SOX6: variants seen among roughly 807,000 people sequenced by gnomAD.
SOX6 encodes the protein transcription factor SOX-6.
A neutral mutation model predicts 97.8 loss-of-function variants in SOX6; 11 were observed. That is an observed-to-expected ratio of 0.11 (90% CI 0.07 to 0.19). The LOEUF is 0.19. SOX6 is among the 10% of genes least tolerant of loss of function. SOX6 has a pLI of 1.00. For missense variants in SOX6, 810 were observed against 1,039.5 expected (o/e 0.78, Z 3.04); for synonymous variants, 360 against 371.4 (o/e 0.97, Z 0.35).
chr11:16,533,658 T>A (rs77883791), intron 4 of SOX6, among the ~76,000 whole-genome samples: 1,537 of 152,122 alleles, frequency 0.01, 19 homozygotes, highest in African/African-American at 0.035. Flanking sequence ...TTTAATTTTG[T>A]CCTATTGGGA....
At chr11:16,107,898 C>A (rs1849135956) in intron 7 of SOX6, among the ~76,000 whole-genome samples, 1 of 152,134 alleles carries the variant, frequency 6.6e-6, no homozygotes, top group South Asian at 2.1e-4. Context: ...TAACACTCAG[C>A]TTTTGGGCCG....
intron 6 of SOX6, among the ~76,000 whole-genome samples, chr11:16,159,351 A>C (rs552957268): frequency 6.6e-6 from 1 of 152,208 alleles, no homozygotes; most frequent in East Asian, 1.9e-4. Context: ...TATATTTCTT[A>C]TCTTTTCTAC....
At chr11:16,358,441 G>A (rs1003511437), upstream of SOX6, among the ~76,000 whole-genome samples, 1 of 151,994 alleles carries the variant, frequency 6.6e-6, no homozygotes, top group Non-Finnish European at 1.5e-5. Flanking sequence ...AAACAAACAG[G>A]GTAACTAAGG....
intron 2 of SOX6, among the ~76,000 whole-genome samples, chr11:16,718,103 T>A (rs1848231827): frequency 6.6e-6 from 1 of 152,092 alleles, no homozygotes; most frequent in African/African-American, 2.4e-5. Flanking sequence ...TTGAAAGGGC[T>A]TTTTAAATGT....
upstream of SOX6, among the ~76,000 whole-genome samples, chr11:16,480,932 T>C (rs978452291): frequency 1.3e-5 from 2 of 152,170 alleles, no homozygotes; most frequent in Non-Finnish European, 2.9e-5. Flanking sequence ...TTAAAACAAC[T>C]GTCTTCAACG....
chr11:16,242,872 G>C (rs955854087), intron 3 of SOX6, among the ~76,000 whole-genome samples: 9 of 151,698 alleles, frequency 5.9e-5, no homozygotes, highest in Non-Finnish European at 1.2e-4. Flanking sequence ...TGGTTTTAAG[G>C]ACCCTTTATA....
chr11:16,206,600 A>C (rs1189703829), intron 4 of SOX6, among the ~76,000 whole-genome samples: 1 of 152,156 alleles, frequency 6.6e-6, no homozygotes, highest in Non-Finnish European at 1.5e-5. Context: ...TATTGTATAG[A>C]TCAAGTGAGT....
chr11:16,116,701 C>T (rs1245638639), intron 6 of SOX6, among the ~76,000 whole-genome samples: 1 of 152,156 alleles, frequency 6.6e-6, no homozygotes, highest in Non-Finnish European at 1.5e-5. Flanking sequence ...TCTCCAACCC[C>T]TGGGCTGTGG....
At chr11:16,549,882 T>C (rs1235732699) in intron 4 of SOX6, among the ~76,000 whole-genome samples, 1 of 152,184 alleles carries the variant, frequency 6.6e-6, no homozygotes, top group Non-Finnish European at 1.5e-5. Flanking sequence ...TTCTATGACA[T>C]TGTGGAAGAC....
intron 3 of SOX6, among the ~76,000 whole-genome samples, chr11:16,289,342 TC>T (rs1854839945): frequency 6.6e-6 from 1 of 151,930 alleles, no homozygotes; most frequent in South Asian, 2.1e-4. Flanking sequence ...AACTGACAAG[TC>T]TGGCACACTC....
intron 2 of SOX6, among the ~76,000 whole-genome samples, chr11:16,324,456 T>C (rs1362105153): frequency 1.3e-5 from 2 of 152,194 alleles, no homozygotes; most frequent in Non-Finnish European, 2.9e-5. Context: ...TTTATCTATA[T>C]GATGAAATGT....
At chr11:16,638,951 T>C (rs1028041591) in intron 3 of SOX6, among the ~76,000 whole-genome samples, 3 of 152,352 alleles carry the variant, frequency 2.0e-5, no homozygotes, top group South Asian at 2.1e-4. Flanking sequence ...ATTTTGGCTT[T>C]TGTTGCCATT....
intron 12 of SOX6, among the ~76,000 whole-genome samples, chr11:16,045,685 C>G (rs969271113): frequency 1.3e-5 from 2 of 152,144 alleles, no homozygotes; most frequent in African/African-American, 4.8e-5. Flanking sequence ...CTCCAAGGGC[C>G]TGCATGTTCA....
At chr11:16,468,903 T>G (rs1244326908) in intron 1 of SOX6, among the ~76,000 whole-genome samples, 1 of 152,156 alleles carries the variant, frequency 6.6e-6, no homozygotes, top group Admixed American at 6.5e-5. Context: ...TTTAAGATTA[T>G]GACACACCAA....
rs1314517324 is a variant in SOX6 at position 16,132,262 on chromosome 11, AGAAAGAAGGAAGGAAG to A, written c.778-20355_778-20340del. ...AAGAAAGAAAGGAAGGAAGAAAGAA[AGAAAGAAGGAAGGAAG>A]GAAGGAAGGAAGGAAGGAAGGAAGG... is the stretch of plus-strand genomic sequence containing the variant. On this transcript the variant is annotated intron_variant, in intron 6 of 15. Coordinates refer to ENST00000683767, the MANE Select transcript of SOX6 (RefSeq NM_001367873.1). Among the ~76,000 whole-genome samples, 287 of 113,486 alleles carry A rather than the reference AGAAAGAAGGAAGGAAG, an allele frequency of 2.5e-3. 9 individuals are homozygous for A. Among genetic ancestry groups the A allele is most frequent in the Middle Eastern group, 0.012 (3 of 256 alleles). The allele number at this position is 113,486 out of a possible 152,430, so 74.5% of individuals were successfully genotyped here. A position where few individuals can be genotyped will look rare whatever the true frequency, so the allele number is the denominator to read the frequency against.
At chr11:16,024,513 T>C (rs1269600276) in intron 12 of SOX6, among the ~76,000 whole-genome samples, 1 of 151,050 alleles carries the variant, frequency 6.6e-6, no homozygotes, top group African/African-American at 2.4e-5. Flanking sequence ...TGTCCATCCA[T>C]CTATATATTT....
intron 6 of SOX6, among the ~76,000 whole-genome samples, chr11:16,177,153 A>G (rs1851210724): frequency 6.6e-6 from 1 of 151,952 alleles, no homozygotes; most frequent in South Asian, 2.1e-4. Flanking sequence ...CAAAAGGTGG[A>G]AAAACATAAT....
At chr11:16,479,167 T>G (rs1860301698), upstream of SOX6, among the ~76,000 whole-genome samples, 1 of 152,242 alleles carries the variant, frequency 6.6e-6, no homozygotes, top group East Asian at 1.9e-4. Context: ...TAATATTTAG[T>G]CATCAAGTCT....
intron 2 of SOX6, among the ~76,000 whole-genome samples, chr11:16,321,095 C>T (rs1031902466): frequency 6.6e-6 from 1 of 152,088 alleles, no homozygotes; most frequent in African/African-American, 2.4e-5. Flanking sequence ...TCATTCTCCA[C>T]TTGTGTGAAT....
Sources: allele counts gnomAD v4.1 joint callset (sites outside exome capture counted in the v4.1 genomes callset), GRCh38; gene constraint gnomAD v4.1.1; transcripts MANE v1.5; gene names NCBI Gene and HGNC (gene_info 2026-07-23, HGNC 2026-07-21).